The following ARHGAP6 variants were observed in gnomAD, a reference collection of about 807,000 sequenced individuals.
ARHGAP6 encodes the protein rho GTPase-activating protein 6.
ARHGAP6 carries 16 observed loss-of-function variants against 55.7 expected under a neutral mutation model. That is an observed-to-expected ratio of 0.29 (90% CI 0.19 to 0.44). The LOEUF is 0.44. Ranked by LOEUF, ARHGAP6 falls within the 20% of genes least tolerant of loss-of-function variation. ARHGAP6 has a pLI of 1.00. For synonymous variants in ARHGAP6, 382 were observed against 360.9 expected (o/e 1.06, Z -0.66); for missense variants, 698 against 808.9 (o/e 0.86, Z 1.66).
At chrX:11,415,894 G>A (rs1239083323) in intron 1 of ARHGAP6, among the ~76,000 whole-genome samples, 3 of 111,425 alleles carry the variant, frequency 2.7e-5, no homozygotes, top group Non-Finnish European at 5.7e-5. Context: ...AACCCTAACC[G>A]ACCCACAGAT....
chrX:11,294,528 C>T (rs984388230), intron 1 of ARHGAP6, among the ~76,000 whole-genome samples: 3 of 111,811 alleles, frequency 2.7e-5, no homozygotes, highest in African/African-American at 9.8e-5. Flanking sequence ...GAAGATAGAT[C>T]ATTCATGTCC....
At chrX:11,656,131 A>G (rs2052634506) in intron 1 of ARHGAP6, among the ~76,000 whole-genome samples, 2 of 112,554 alleles carry the variant, frequency 1.8e-5, no homozygotes, top group Admixed American at 9.4e-5. Context: ...TTTACATTAA[A>G]TGGTAAAATC....
At chrX:11,191,407 T>C (rs2046459708) in intron 3 of ARHGAP6, among the ~76,000 whole-genome samples, 1 of 112,174 alleles carries the variant, frequency 8.9e-6, no homozygotes, top group South Asian at 3.7e-4. Flanking sequence ...GGCATGGCTG[T>C]GTTCTAGTAA....
intron 1 of ARHGAP6, among the ~76,000 whole-genome samples, chrX:11,256,547 T>C (rs752433013): frequency 8.9e-6 from 1 of 111,926 alleles, no homozygotes; most frequent in Non-Finnish European, 1.9e-5. Context: ...TCTTTGATAT[T>C]TTCCCTCTTT....
intron 1 of ARHGAP6, chrX:11,351,262 C>A (rs2048860516): frequency 7.7e-6 from 6 of 784,235 alleles, no homozygotes; most frequent in Non-Finnish European, 7.9e-6. Flanking sequence ...GAAGAAAAAT[C>A]TTTTAAAAAT....
intron 1 of ARHGAP6, among the ~76,000 whole-genome samples, chrX:11,304,824 G>A (rs1427770281): frequency 1.4e-5 from 1 of 70,616 alleles, no homozygotes; most frequent in Non-Finnish European, 2.4e-5. Flanking sequence ...GTCTCGCTCT[G>A]TCGCCAGGCT....
At chrX:11,503,248 T>C (rs1391258055) in intron 1 of ARHGAP6, among the ~76,000 whole-genome samples, 1 of 111,320 alleles carries the variant, frequency 9.0e-6, no homozygotes, top group Admixed American at 9.6e-5. Context: ...CCCTCATTGT[T>C]CAAGGATCAG....
chrX:11,568,086 G>A (rs772199570), intron 1 of ARHGAP6, among the ~76,000 whole-genome samples: 23 of 111,543 alleles, frequency 2.1e-4, no homozygotes, highest in African/African-American at 6.5e-4. Flanking sequence ...TCCATGCATA[G>A]AGTAAATGCT....
chrX:11,583,401 G>A (rs1162831747), intron 1 of ARHGAP6, among the ~76,000 whole-genome samples: 3 of 112,090 alleles, frequency 2.7e-5, no homozygotes, highest in East Asian at 2.8e-4. Context: ...AGGGCTATTC[G>A]ATATTAGACA....
At chrX:11,253,104 T>C (rs1158563140) in intron 2 of ARHGAP6, among the ~76,000 whole-genome samples, 1 of 111,441 alleles carries the variant, frequency 9.0e-6, no homozygotes, top group African/African-American at 3.3e-5. Context: ...TGGGGCCTGA[T>C]AATTTTTGTT....
chrX:11,603,284 T>C (rs764301502), intron 1 of ARHGAP6, among the ~76,000 whole-genome samples: 22 of 112,214 alleles, frequency 2.0e-4, no homozygotes, highest in African/African-American at 6.8e-4. Context: ...AAGTAGCAAA[T>C]GCTACCCTGA....
chrX:11,580,628 C>T (rs766555450), intron 1 of ARHGAP6, among the ~76,000 whole-genome samples: 2 of 112,369 alleles, frequency 1.8e-5, no homozygotes, highest in Non-Finnish European at 3.8e-5. Flanking sequence ...GCAAATACTG[C>T]TTCTAAATGC....
intron 1 of ARHGAP6, among the ~76,000 whole-genome samples, chrX:11,323,686 G>A (rs1404114608): frequency 9.1e-6 from 1 of 110,219 alleles, no homozygotes; most frequent in Non-Finnish European, 1.9e-5. Flanking sequence ...CCAACATGGT[G>A]AAACCCTGTC....
chrX:11,398,320 G>C (rs2049505864), intron 1 of ARHGAP6, among the ~76,000 whole-genome samples: 1 of 106,944 alleles, frequency 9.4e-6, no homozygotes, highest in South Asian at 4.1e-4. Context: ...TCTAATGTTT[G>C]CAGAGGGAGT....
chrX:11,174,638 T>TC (rs2046170516), intron 8 of ARHGAP6, among the ~76,000 whole-genome samples: 4 of 65,374 alleles, frequency 6.1e-5, no homozygotes, highest in East Asian at 1.0e-3. Flanking sequence ...TTTCTTTCTT[T>TC]CTTTCTTTCT....
intron 1 of ARHGAP6, among the ~76,000 whole-genome samples, chrX:11,325,749 A>G (rs1569301220): frequency 1.8e-5 from 2 of 112,684 alleles, no homozygotes; most frequent in African/African-American, 6.4e-5. Flanking sequence ...CTATTTTGCT[A>G]GAAATATGCT....
chrX:11,620,304 C>T (rs1267894823), intron 1 of ARHGAP6, among the ~76,000 whole-genome samples: 1 of 112,194 alleles, frequency 8.9e-6, no homozygotes, highest in African/African-American at 3.2e-5. Flanking sequence ...GAAAAACTTC[C>T]TTCTATGACT....
chrX:11,261,543 C>G (rs893641223), intron 1 of ARHGAP6, among the ~76,000 whole-genome samples: 3 of 111,428 alleles, frequency 2.7e-5, no homozygotes, highest in African/African-American at 9.8e-5. Context: ...TTTGAGTGAT[C>G]ATCATGGAAT....
chrX:11,399,033 C>T (rs1183850366), intron 1 of ARHGAP6, among the ~76,000 whole-genome samples: 1 of 111,832 alleles, frequency 8.9e-6, no homozygotes, highest in Non-Finnish European at 1.9e-5. Context: ...ATATTGCTGG[C>T]ATTGATTTCT....
Sources: gnomAD v4.1 joint callset for allele counts (sites outside exome capture counted in the v4.1 genomes callset) on GRCh38, gnomAD v4.1.1 for gene constraint, MANE v1.5 for transcripts, NCBI Gene and HGNC (gene_info 2026-07-23, HGNC 2026-07-21) for gene names.